The following ZBTB40 variants were observed in gnomAD, a reference collection of about 807,000 sequenced individuals.
ZBTB40 encodes the protein zinc finger and BTB domain containing 40.
Under a neutral mutation model 117.5 loss-of-function variants are expected in ZBTB40, and 60 were observed. The observed-to-expected ratio is 0.51, with a 90% confidence interval of 0.41 to 0.63. ZBTB40 has a LOEUF of 0.63. Ranked by LOEUF, ZBTB40 falls within the 30% of genes least tolerant of loss-of-function variation. ZBTB40 has a pLI of 0.00. For missense variants in ZBTB40, 1,287 were observed against 1,498.5 expected (o/e 0.86, Z 2.33); for synonymous variants, 525 against 577.1 (o/e 0.91, Z 1.29).
At chr1:22,464,846 C>T (rs1641215210) in intron 1 of ZBTB40, among the ~76,000 whole-genome samples, 1 of 140,894 alleles carries the variant, frequency 7.1e-6, no homozygotes, top group East Asian at 2.3e-4. Flanking sequence ...CATTAAAAAC[C>T]TTCAAGTGCC....
In ZBTB40 at chr1:22,517,393, A is replaced by G. The variant is rs775355557; in HGVS notation, c.2762A>G (p.Tyr921Cys). The G allele has an allele frequency of 2.8e-5, 46 of 1,614,074 alleles. No individual in the cohort carries two copies. The highest frequency in any genetic ancestry group is 3.7e-5 in the Non-Finnish European group (44 of 1,180,044). Reference protein sequence around the residue: ...HVRTHTGDKPYVCRDCGKGFR... With the variant: ...HVRTHTGDKPCVCRDCGKGFR... ...AGGACCCACACCGGGGACAAGCCCT[A>G]TGTCTGCAGAGACTGTGGCAAGGGC... The change falls in exon 13 of 18, where the codon TAT (tyrosine) becomes TGT (cysteine). Residue 921 changes from tyrosine (Y) to cysteine (C), a missense_variant. Transcript: ENST00000375647.
chr1:22,513,271 A>G lies in ZBTB40; in HGVS notation c.2668+141A>G, dbSNP rs1340403805. On this transcript the variant is annotated intron_variant, in intron 12 of 17. Coordinates refer to ENST00000375647, the MANE Select transcript of ZBTB40 (RefSeq NM_014870.4). This position sits in a 1 kb window ranked among gnomAD's most constrained non-coding sequence, Gnocchi z 4.9. ...GGTGACTAAAGTCAATAATAACTTA[A>G]TTGTACATTTTAAATACAGTGTAAT... 17 of 911,238 alleles carry G rather than the reference A, an allele frequency of 1.9e-5. No individual in the cohort carries two copies. Among genetic ancestry groups the G allele is most frequent in the Non-Finnish European group, 2.7e-5 (16 of 582,976 alleles). 56.4% of individuals were successfully genotyped at this position (911,238 alleles called of 1,614,324 possible).
At chr1:22,468,252 G>A (rs1333661255) in intron 1 of ZBTB40, among the ~76,000 whole-genome samples, 1 of 152,070 alleles carries the variant, frequency 6.6e-6, no homozygotes, top group African/African-American at 2.4e-5. Context: ...AGGTCACCGA[G>A]TAAGTGTTCA....
At chr1:22,433,445 A>AAAAAAAAAAAAAAAAAAAG (rs1640626337) in intron 1 of ZBTB40, among the ~76,000 whole-genome samples, 1 of 90,406 alleles carries the variant, frequency 1.1e-5, no homozygotes, top group Non-Finnish European at 2.1e-5. Context: ...AAAAAAAAAA[A>AAAAAAAAAAAAAAAAAAAG]AAAAAAAAAA....
At chr1:22,460,559 C>G (rs1291162839) in intron 1 of ZBTB40, among the ~76,000 whole-genome samples, 3 of 152,122 alleles carry the variant, frequency 2.0e-5, no homozygotes, top group East Asian at 1.9e-4. Flanking sequence ...GGTATTATTA[C>G]TGCCGTTTCT....
chr1:22,500,544 A>AAGGC, intron 3 of ZBTB40, among the ~76,000 whole-genome samples: 1 of 152,380 alleles, frequency 6.6e-6, no homozygotes, highest in South Asian at 2.1e-4. Context: ...ACCAGTGGGA[A>AAGGC]AGGCTGAAAA....
chr1:22,487,472 C>A (rs1638501639), intron 1 of ZBTB40, among the ~76,000 whole-genome samples: 1 of 152,156 alleles, frequency 6.6e-6, no homozygotes, highest in Non-Finnish European at 1.5e-5. Context: ...GATGTCTCTT[C>A]CCCTAAACTG....
chr1:22,467,457 A>G (rs16827200), intron 1 of ZBTB40, among the ~76,000 whole-genome samples: 4,233 of 152,042 alleles, frequency 0.028, 209 homozygotes, highest in African/African-American at 0.094. Context: ...TCCCTCTCCT[A>G]TGTTATTAGT....
At chr1:22,487,131 G>A (rs950392119) in intron 1 of ZBTB40, among the ~76,000 whole-genome samples, 2 of 152,128 alleles carry the variant, frequency 1.3e-5, no homozygotes, top group Admixed American at 6.5e-5. Flanking sequence ...CTTTTCTGAC[G>A]AATTAAAGAA....
intron 1 of ZBTB40, among the ~76,000 whole-genome samples, chr1:22,459,566 C>G (rs1641084589): frequency 6.6e-6 from 1 of 152,150 alleles, no homozygotes; most frequent in African/African-American, 2.4e-5. Flanking sequence ...GGTTTGATTG[C>G]CAATTCATAT....
rs536210482 is a variant in ZBTB40, at chr1:22,529,758, A to G, written c.*3362A>G. Reference sequence around the variant, plus strand: ...GAGTACCAGGTTTCCCTGGCAATCCAGGTCTCCTCTGAGGAAGCATTCTGA... The same window carrying G: ...GAGTACCAGGTTTCCCTGGCAATCCGGGTCTCCTCTGAGGAAGCATTCTGA... On this transcript the variant is annotated 3_prime_UTR_variant, in exon 18 of 18. Coordinates refer to ENST00000375647, the MANE Select transcript of ZBTB40 (RefSeq NM_014870.4). 10 of 152,374 alleles carry G rather than the reference A, an allele frequency of 6.6e-5. No homozygotes were observed. The East Asian group carries it at 1.9e-3, about 29-fold the overall frequency. 9.4% of individuals were successfully genotyped at this position (152,374 alleles called of 1,614,324 possible). A position where few individuals can be genotyped will look rare whatever the true frequency, so the allele number is the denominator to read the frequency against.
At chr1:22,477,838 C>T (rs535620860) in intron 1 of ZBTB40, among the ~76,000 whole-genome samples, 22 of 152,278 alleles carry the variant, frequency 1.4e-4, no homozygotes, top group Admixed American at 9.2e-4. Context: ...CGTGAGCCAG[C>T]GTGCCCAGCC....
At chr1:22,445,135 G>A (rs1245739036) in intron 1 of ZBTB40, among the ~76,000 whole-genome samples, 1 of 152,162 alleles carries the variant, frequency 6.6e-6, no homozygotes, top group African/African-American at 2.4e-5. Context: ...CCTGGTTGGG[G>A]AGATCATCTC....
intron 13 of ZBTB40, among the ~76,000 whole-genome samples, chr1:22,518,526 TCA>T (rs1639435393): frequency 6.6e-6 from 1 of 152,184 alleles, no homozygotes; most frequent in African/African-American, 2.4e-5. Flanking sequence ...GCCCTGCATC[TCA>T]CATGCTCTTC....
chr1:22,506,214 A>G lies in ZBTB40; in HGVS notation c.1333A>G (p.Lys445Glu). The change falls in exon 6 of 18, where the codon AAA becomes GAA. Residue 445 changes from lysine (K) to glutamate (E), a missense_variant. Physicochemically the swap from Lys to Glu is moderately conservative, Grantham distance 56 (BLOSUM62 1). This residue lies in a region of ZBTB40 where 870 missense variants were observed against 934.4 expected (regional missense o/e 0.93). Coordinates refer to ENST00000375647, the MANE Select transcript of ZBTB40 (RefSeq NM_014870.4). ...GGGCCTTCTGCTAGAGAAGTTGCAG[A>G]AATCAGCCACTTTGCCAAGCACCAC... is the stretch of plus-strand genomic sequence containing the variant. ...NLGLLLEKLQ[K>E]SATLPSTTVQ... The G allele has an allele frequency of 6.2e-7, 1 of 1,614,202 alleles. No homozygotes were observed. The highest frequency in any genetic ancestry group is 8.5e-7 in the Non-Finnish European group (1 of 1,180,026).
Position 22,527,960 on chromosome 1 carries a change from G to C in ZBTB40, c.*1564G>C, listed in dbSNP as rs1569902928. The C allele has an allele frequency of 6.6e-6, 1 of 152,538 alleles. No homozygotes were observed. The highest frequency in any genetic ancestry group is 2.4e-5 in the African/African-American group (1 of 41,448). 9.4% of individuals were successfully genotyped at this position (152,538 alleles called of 1,614,324 possible). A position where few individuals can be genotyped will look rare whatever the true frequency, so the allele number is the denominator to read the frequency against. ...ATCCCAGCCGACTACACCTGCTTCTGGTCCTGTCCACATTTTGATACGCAG... is the reference window on the plus strand; with the variant it reads ...ATCCCAGCCGACTACACCTGCTTCTCGTCCTGTCCACATTTTGATACGCAG... On this transcript the variant is annotated 3_prime_UTR_variant, in exon 18 of 18. Transcript: ENST00000375647.
intron 5 of ZBTB40, among the ~76,000 whole-genome samples, chr1:22,504,791 T>G (rs1639035201): frequency 6.6e-6 from 1 of 152,218 alleles, no homozygotes; most frequent in African/African-American, 2.4e-5. Context: ...CAATAAATAT[T>G]AGAACTGCAA....
chr1:22,433,498 T>C (rs1346931884), intron 1 of ZBTB40, among the ~76,000 whole-genome samples: 1 of 29,814 alleles, frequency 3.4e-5, no homozygotes, highest in Non-Finnish European at 1.1e-4. Flanking sequence ...TACCTAGCAT[T>C]TACATTTTAT....
chr1:22,444,129 G>C (rs1463094458), intron 1 of ZBTB40, among the ~76,000 whole-genome samples: 10 of 152,106 alleles, frequency 6.6e-5, no homozygotes. Flanking sequence ...ATAACAATTG[G>C]TCGCTGGGTG....
Sources: gnomAD v4.1 joint callset for allele counts (sites outside exome capture counted in the v4.1 genomes callset) on GRCh38, gnomAD v4.1.1 for gene constraint, gnomAD v4.1.1 regional missense constraint, Gnocchi (gnomAD v3.1) non-coding constraint, MANE v1.5 for transcripts, NCBI Gene and HGNC (gene_info 2026-07-23, HGNC 2026-07-21) for gene names.